Variants in KCNK10 observed in about 807,000 individuals in gnomAD.
The protein encoded by KCNK10 is potassium channel subfamily K member 10.
Under a neutral mutation model 47.7 loss-of-function variants are expected in KCNK10, and 25 were observed. That is an observed-to-expected ratio of 0.52 (90% CI 0.38 to 0.73). KCNK10 has a LOEUF of 0.73. Ranked by LOEUF, KCNK10 falls within the 30% of genes least tolerant of loss-of-function variation. The pLI is 0.00. For missense variants in KCNK10, 563 were observed against 714.5 expected, an observed-to-expected ratio of 0.79 and a Z score of 2.42; for synonymous variants, 303 against 285.6, an observed-to-expected ratio of 1.06 and a Z score of -0.61.
chr14:88,311,776 G>C (rs1426620858), intron 1 of KCNK10, among the ~76,000 whole-genome samples: 1 of 151,870 alleles, frequency 6.6e-6, no homozygotes, highest in Non-Finnish European at 1.5e-5. Context: ...GAAGTGTTGA[G>C]TTAGTAGGAA....
intron 1 of KCNK10, among the ~76,000 whole-genome samples, chr14:88,268,442 CCA>C (rs1298364586): frequency 2.0e-5 from 3 of 152,130 alleles, no homozygotes; most frequent in Admixed American, 6.5e-5. Context: ...AAACTGAGAC[CCA>C]GACAGGTTCA....
At chr14:88,311,574 T>TA (rs1339137955) in intron 1 of KCNK10, among the ~76,000 whole-genome samples, 6 of 152,188 alleles carry the variant, frequency 3.9e-5, no homozygotes, top group African/African-American at 1.4e-4. Context: ...GCAGGAGTGT[T>TA]ACTGGAAACT....
intron 1 of KCNK10, among the ~76,000 whole-genome samples, chr14:88,295,817 A>G (rs1223477125): frequency 6.6e-6 from 1 of 152,158 alleles, no homozygotes; most frequent in Non-Finnish European, 1.5e-5. Context: ...ATGGACTGTG[A>G]GCTCATCCAT....
chr14:88,190,179 TGC>T (rs1350220854), intron 5 of KCNK10, among the ~76,000 whole-genome samples: 1 of 152,228 alleles, frequency 6.6e-6, no homozygotes, highest in Non-Finnish European at 1.5e-5. Context: ...CTGCTATTTG[TGC>T]CTCAGATTAA....
chr14:88,243,344 G>C (rs1221806364), intron 2 of KCNK10, among the ~76,000 whole-genome samples: 26 of 152,154 alleles, frequency 1.7e-4, no homozygotes, highest in Admixed American at 1.7e-3. Context: ...GGGGAAACAG[G>C]CTCAGGAAAC....
At chr14:88,251,413 A>T (rs1349252777) in intron 2 of KCNK10, among the ~76,000 whole-genome samples, 4 of 152,062 alleles carry the variant, frequency 2.6e-5, no homozygotes, top group African/African-American at 9.7e-5. Flanking sequence ...AGTAAAGGTC[A>T]TCCAAGAGAG....
At chr14:88,256,829 G>A (rs1400774170) in intron 2 of KCNK10, among the ~76,000 whole-genome samples, 1 of 152,006 alleles carries the variant, frequency 6.6e-6, no homozygotes, top group Non-Finnish European at 1.5e-5. Flanking sequence ...GCAATAACAA[G>A]AGCTCAAAGT....
chr14:88,303,727 T>G (rs539384108), intron 1 of KCNK10, among the ~76,000 whole-genome samples: 9 of 152,298 alleles, frequency 5.9e-5, no homozygotes, highest in African/African-American at 1.9e-4. Context: ...TGGGTGCAGA[T>G]GCAGGTAACC....
chr14:88,201,530 G>A (rs919440085), intron 4 of KCNK10, among the ~76,000 whole-genome samples: 1 of 152,012 alleles, frequency 6.6e-6, no homozygotes, highest in Non-Finnish European at 1.5e-5. Context: ...TGTGGTGGCA[G>A]GTACCTGTAA....
chr14:88,192,192 G>A, intron 5 of KCNK10, 32 bp downstream of exon 5: 1 of 1,566,010 alleles, frequency 6.4e-7, no homozygotes, highest in South Asian at 1.2e-5. Flanking sequence ...TCCCGCCAGA[G>A]CCCCAGTGCC....
At chr14:88,326,434 A>C, upstream of KCNK10, 1 of 1,613,730 alleles carries the variant, frequency 6.2e-7, no homozygotes. Flanking sequence ...GAAAGAAAGA[A>C]GTCTGTGTAG....
intron 3 of KCNK10, among the ~76,000 whole-genome samples, chr14:88,234,859 C>G (rs1202833613): frequency 6.6e-6 from 1 of 151,936 alleles, no homozygotes; most frequent in Non-Finnish European, 1.5e-5. Context: ...GTAAGAACTA[C>G]CAAAAGAAGC....
At chr14:88,196,531 C>T (rs1884918497) in intron 4 of KCNK10, among the ~76,000 whole-genome samples, 1 of 151,988 alleles carries the variant, frequency 6.6e-6, no homozygotes, top group Non-Finnish European at 1.5e-5. Context: ...CTCTTTAATC[C>T]CCATTGTTTG....
At chr14:88,192,873 C>T (rs1344411574) in intron 4 of KCNK10, among the ~76,000 whole-genome samples, 3 of 152,138 alleles carry the variant, frequency 2.0e-5, no homozygotes, top group Admixed American at 6.5e-5. Context: ...TTGTGTCAAA[C>T]AGAATATGCT....
chr14:88,326,135 C>G (rs1457314692), upstream of KCNK10, among the ~76,000 whole-genome samples: 1 of 151,512 alleles, frequency 6.6e-6, no homozygotes, highest in Non-Finnish European at 1.5e-5. Flanking sequence ...CTCTCACCTC[C>G]ACTTTCATTC....
At chr14:88,319,142 G>A (rs1409020067) in intron 1 of KCNK10, among the ~76,000 whole-genome samples, 1 of 151,964 alleles carries the variant, frequency 6.6e-6, no homozygotes, top group African/African-American at 2.4e-5. Flanking sequence ...TATGAAGGAA[G>A]GCCATAGCTC....
chr14:88,197,612 A>AAAAAAAAAAAAAAAG, intron 4 of KCNK10, among the ~76,000 whole-genome samples: 1 of 131,112 alleles, frequency 7.6e-6, no homozygotes, highest in African/African-American at 2.9e-5. Context: ...AAAAAAAAAA[A>AAAAAAAAAAAAAAAG]TCAACTGTTC....
chr14:88,322,034 G>T lies in KCNK10; in HGVS notation c.52+713C>A, dbSNP rs1888557195. On this transcript the variant is annotated intron_variant, in intron 1 of 6. Transcript: ENST00000319231. This position sits in a 1 kb window ranked among gnomAD's most constrained non-coding sequence, Gnocchi z 4.8. Reference sequence around the variant, plus strand: ...CCTCCCTTTTGCGTGGATGAAACCTGGTCCAACATTCGTAAAAGCATGCAA... The same window carrying T: ...CCTCCCTTTTGCGTGGATGAAACCTTGTCCAACATTCGTAAAAGCATGCAA... Among the ~76,000 whole-genome samples the T allele has an allele frequency of 6.6e-6, 1 of 152,174 alleles. No individual in the cohort carries two copies. Among genetic ancestry groups the T allele is most frequent in the African/African-American group, 2.4e-5 (1 of 41,436 alleles).
intron 4 of KCNK10, among the ~76,000 whole-genome samples, chr14:88,199,013 A>G (rs953667243): frequency 1.3e-5 from 2 of 151,546 alleles, no homozygotes; most frequent in African/African-American, 2.4e-5. Flanking sequence ...TCCGCCTCCC[A>G]GGTTCAAGCG....
Sources: allele counts gnomAD v4.1 joint callset (sites outside exome capture counted in the v4.1 genomes callset), GRCh38; gene constraint gnomAD v4.1.1; non-coding constraint Gnocchi (gnomAD v3.1); transcripts MANE v1.5; gene names NCBI Gene and HGNC (gene_info 2026-07-23, HGNC 2026-07-21).